RTN1: variants seen among roughly 807,000 people sequenced by gnomAD.
RTN1 encodes the protein reticulon-1.
A neutral mutation model predicts 65.5 loss-of-function variants in RTN1; 25 were observed. The observed-to-expected ratio is 0.38, with a 90% CI of 0.28 to 0.53. The LOEUF is 0.53. Among genes scored for constraint, RTN1 ranks in the 20% least tolerant of loss-of-function variants. The probability of loss-of-function intolerance (pLI) is 0.79; values close to 1 mark genes in which losing one functional copy is unlikely to be tolerated. For missense variants in RTN1, 983 were observed against 1,025.4 expected (o/e 0.96, Z 0.57); for synonymous variants, 471 against 447.6 (o/e 1.05, Z -0.66).
At chr14:59,600,210 G>A (rs969017632) in intron 8 of RTN1, among the ~76,000 whole-genome samples, 1 of 152,054 alleles carries the variant, frequency 6.6e-6, no homozygotes, top group Non-Finnish European at 1.5e-5. Context: ...GGCCCAATCT[G>A]GGACTGTCCT....
chr14:59,607,526 C>A, intron 3 of RTN1, 34 bp from the exon 4 acceptor site: 1 of 1,551,728 alleles, frequency 6.4e-7, no homozygotes, highest in East Asian at 2.4e-5. Context: ...CAGCTGAGCT[C>A]CCGCAGTGCC....
Position 59,766,892 on chromosome 14 carries a change from A to C in RTN1, c.242-20411T>G, listed in dbSNP as rs1279948447. ...AACAAACTTGATAGTTTCAGTGTTT[A>C]GTTATTTAACTCCACCCATCCCAGT... is the stretch of plus-strand genomic sequence containing the variant. On this transcript the variant is annotated intron_variant, in intron 1 of 8. Transcript: ENST00000267484. The surrounding 1 kb of genome is among the most constrained non-coding windows in gnomAD (Gnocchi z 4.4). 6.6e-6 allele frequency among the ~76,000 whole-genome samples: 1 copy of C among 152,244 alleles called. No homozygotes were observed. Among genetic ancestry groups the C allele is most frequent in the Non-Finnish European group, 1.5e-5 (1 of 68,048 alleles).
At chr14:59,659,992 A>AC (rs1220257434) in intron 3 of RTN1, among the ~76,000 whole-genome samples, 2 of 151,834 alleles carry the variant, frequency 1.3e-5, no homozygotes, top group African/African-American at 4.9e-5. Context: ...TATTCAGGAG[A>AC]CTCATCTCAC....
At chr14:59,867,476 T>A (rs184791063) in intron 1 of RTN1, among the ~76,000 whole-genome samples, 1 of 152,338 alleles carries the variant, frequency 6.6e-6, no homozygotes, top group East Asian at 1.9e-4. Context: ...GATGAGACTA[T>A]TTCCACGCCA....
At chr14:59,619,521 T>C (rs1351673728) in intron 3 of RTN1, among the ~76,000 whole-genome samples, 2 of 152,176 alleles carry the variant, frequency 1.3e-5, no homozygotes, top group South Asian at 2.1e-4. Context: ...ATATGTACAG[T>C]AGGCCATTGG....
At chr14:59,615,124 A>C (rs1229755284) in intron 3 of RTN1, among the ~76,000 whole-genome samples, 1 of 152,202 alleles carries the variant, frequency 6.6e-6, no homozygotes, top group African/African-American at 2.4e-5. Flanking sequence ...TAATATTTAA[A>C]AGAAATTATT....
intron 1 of RTN1, among the ~76,000 whole-genome samples, chr14:59,786,286 TTAC>T (rs1229524345): frequency 6.6e-6 from 1 of 152,170 alleles, no homozygotes; most frequent in Non-Finnish European, 1.5e-5. Context: ...CTATTTACTA[TTAC>T]GTGAGTTTGG....
At chr14:59,692,166 C>T (rs1414347441) in intron 3 of RTN1, among the ~76,000 whole-genome samples, 1 of 152,116 alleles carries the variant, frequency 6.6e-6, no homozygotes, top group African/African-American at 2.4e-5. Context: ...CAATATGATT[C>T]CATACCTAGA....
intron 1 of RTN1, among the ~76,000 whole-genome samples, chr14:59,845,189 A>T (rs1459527377): frequency 2.6e-5 from 4 of 152,200 alleles, no homozygotes; most frequent in African/African-American, 9.7e-5. Flanking sequence ...TGTGATTCCT[A>T]ATGGTTTCTC....
chr14:59,797,136 T>C (rs1177698600), intron 1 of RTN1, among the ~76,000 whole-genome samples: 1 of 152,206 alleles, frequency 6.6e-6, no homozygotes. Flanking sequence ...TTGGAAGATT[T>C]ATTATTTATT....
intron 3 of RTN1, among the ~76,000 whole-genome samples, chr14:59,691,756 C>A (rs938435245): frequency 5.9e-5 from 9 of 152,144 alleles, no homozygotes; most frequent in Non-Finnish European, 1.0e-4. Context: ...GGGCTTTATT[C>A]CTGGGACACT....
chr14:59,789,701 A>T (rs1489491441), intron 1 of RTN1, among the ~76,000 whole-genome samples: 2 of 152,076 alleles, frequency 1.3e-5, no homozygotes, highest in African/African-American at 4.8e-5. Context: ...TTCTACATCT[A>T]ATGCTTACCT....
chr14:59,630,681 G>A, intron 3 of RTN1: 2 of 1,179,252 alleles, frequency 1.7e-6, no homozygotes, highest in Non-Finnish European at 2.1e-6. Flanking sequence ...GCCGCAGTCT[G>A]CGCGGCCGGC....
chr14:59,678,591 A>G (rs529931912), intron 3 of RTN1, among the ~76,000 whole-genome samples: 3 of 152,298 alleles, frequency 2.0e-5, no homozygotes, highest in East Asian at 1.9e-4. Flanking sequence ...ACTGAGGTCC[A>G]GCGTGGGCCA....
chr14:59,638,565 T>A (rs1277111776), intron 3 of RTN1, among the ~76,000 whole-genome samples: 1 of 152,250 alleles, frequency 6.6e-6, no homozygotes, highest in Non-Finnish European at 1.5e-5. Flanking sequence ...ATCTTTGGAA[T>A]AACTTGCTGT....
rs1886729617 is a variant in RTN1, at chr14:59,811,541, G to A, written c.241+58849C>T. Among the ~76,000 whole-genome samples the A allele has an allele frequency of 2.0e-5, 3 of 152,100 alleles. No individual in the cohort carries two copies. In the South Asian group the frequency reaches 6.2e-4, roughly 32 times the overall value. On this transcript the variant is annotated intron_variant, in intron 1 of 8. Transcript: ENST00000267484. ...GGTGTCAGGTCATCACAACTAGCAAGGCATTTAAAAACTGGATATCCTAAA... is the reference window on the plus strand; with the variant it reads ...GGTGTCAGGTCATCACAACTAGCAAAGCATTTAAAAACTGGATATCCTAAA...
At chr14:59,844,569 T>C (rs1887372298) in intron 1 of RTN1, among the ~76,000 whole-genome samples, 2 of 152,178 alleles carry the variant, frequency 1.3e-5, no homozygotes. Context: ...AATGGTGGTT[T>C]GGTTGCCAGG....
At chr14:59,780,232 T>C (rs978409495) in intron 1 of RTN1, among the ~76,000 whole-genome samples, 22 of 152,134 alleles carry the variant, frequency 1.4e-4, no homozygotes, top group African/African-American at 5.3e-4. Flanking sequence ...CCACAAAGGG[T>C]AGAGAGGAGG....
rs372462833 is a variant in RTN1, at chr14:59,761,081, C to T, written c.242-14600G>A. 5.3e-5 allele frequency among the ~76,000 whole-genome samples: 8 copies of T among 152,238 alleles called. No homozygotes were observed. The South Asian group carries it at 6.2e-4, about 12-fold the overall frequency. The stretch of plus-strand genomic sequence containing the variant: ...GCATTTGTGGCCAACTAAAACATGC[C>T]GGTACATAAGTTGTCAGTTTTTTTA... On this transcript the variant is annotated intron_variant, in intron 1 of 8. Coordinates refer to ENST00000267484, the MANE Select transcript of RTN1 (RefSeq NM_021136.3).
Sources: allele counts gnomAD v4.1 joint callset (sites outside exome capture counted in the v4.1 genomes callset), GRCh38; gene constraint gnomAD v4.1.1; non-coding constraint Gnocchi (gnomAD v3.1); transcripts MANE v1.5; gene names NCBI Gene and HGNC (gene_info 2026-07-23, HGNC 2026-07-21).